Variants in GLT1D1 observed in about 807,000 individuals in gnomAD.
The protein encoded by GLT1D1 is glycosyltransferase 1 domain containing 1, also known as glycosyltransferase 1 domain-containing protein 1.
In GLT1D1, 21 loss-of-function variants were observed where a neutral mutation model predicts 28.7. The ratio of observed to expected loss-of-function variants is 0.73; its 90% CI spans 0.52 to 1.05. GLT1D1 has a LOEUF of 1.05. GLT1D1 is among the 50% of genes least tolerant of loss of function. The probability of loss-of-function intolerance (pLI) is 0.00; values close to 1 mark genes in which losing one functional copy is unlikely to be tolerated. For synonymous variants in GLT1D1, 147 were observed against 124.8 expected (o/e 1.18, Z -1.19); for missense variants, 343 against 330.6 (o/e 1.04, Z -0.29).
chr12:128,978,071 C>T (rs975830160), intron 7 of GLT1D1, among the ~76,000 whole-genome samples: 2 of 151,802 alleles, frequency 1.3e-5, no homozygotes, highest in Non-Finnish European at 2.9e-5. Context: ...AGGCATGAGT[C>T]CCCGCACCCG....
At chr12:128,947,533 A>G in intron 6 of GLT1D1, 75 bp downstream of exon 10, 1 of 1,539,966 alleles carries the variant, frequency 6.5e-7, no homozygotes. Flanking sequence ...TACGGAGGTG[A>G]CGTCTTTGTC....
chr12:128,899,115 G>A (rs930863998), intron 3 of GLT1D1, 121 bp from the exon 4 acceptor site: 1 of 723,924 alleles, frequency 1.4e-6, no homozygotes, highest in South Asian at 1.6e-5. Context: ...AATAAAGATT[G>A]ATTGCATTTT....
rs1318391422 is a variant in GLT1D1, at chr12:128,922,190, G to A, written c.375+22903G>A. Among the ~76,000 whole-genome samples the A allele has an allele frequency of 4.1e-5, 6 of 146,252 alleles. No homozygotes were observed. The South Asian group carries it at 1.1e-3, about 27-fold the overall frequency. ...TGTGTGTGTGTGTGTGTGTGTGTGT[G>A]TGTATACACACCAGCTATGTGTGCT... On this transcript the variant is annotated intron_variant, in intron 4 of 7. Coordinates refer to ENST00000281703, the MANE Select transcript of GLT1D1 (RefSeq NM_144669.3).
At chr12:128,911,269 C>A (rs1304459945) in intron 4 of GLT1D1, among the ~76,000 whole-genome samples, 1 of 152,228 alleles carries the variant, frequency 6.6e-6, no homozygotes, top group Non-Finnish European at 1.5e-5. Flanking sequence ...CTCTACCAAA[C>A]CTTCCCAGGC....
chr12:128,936,683 T>C (rs1395283439), intron 4 of GLT1D1, among the ~76,000 whole-genome samples: 2 of 152,230 alleles, frequency 1.3e-5, no homozygotes, highest in Admixed American at 1.3e-4. Context: ...GGTTTGAGCA[T>C]GACAGCTTAA....
At chr12:128,980,824 G>C (rs1327519599) in intron 7 of GLT1D1, among the ~76,000 whole-genome samples, 3 of 152,240 alleles carry the variant, frequency 2.0e-5, no homozygotes, top group African/African-American at 4.8e-5. Context: ...GATTCATCGG[G>C]GGCGGGGTGG....
At chr12:128,863,839 G>A (rs564614868) in intron 1 of GLT1D1, among the ~76,000 whole-genome samples, 29 of 151,870 alleles carry the variant, frequency 1.9e-4, no homozygotes, top group South Asian at 1.7e-3. Context: ...CCAGCTACTC[G>A]GGAGGCTGAG....
rs1868687435 is a variant in GLT1D1, at chr12:128,888,743, A to G, written c.322A>G (p.Arg108Gly). ...CATGGGCAGAGTTCTTGAGGAAGCC[A>G]GGTAATACCTGCGAGAATTTCATCC... Residue 108 changes from arginine to glycine, a missense_variant and splice_region_variant, in exon 3 of 8, where the codon AGA (arginine) becomes GGA (glycine). Arg to Gly is a moderately radical substitution (Grantham distance 125). Transcript: ENST00000281703. 2 of 1,582,108 alleles carry G rather than the reference A, an allele frequency of 1.3e-6. No homozygotes were observed. The highest frequency in any genetic ancestry group is 1.7e-6 in the Non-Finnish European group (2 of 1,152,480).
At chr12:128,867,419 G>GAA (rs1318656397) in intron 1 of GLT1D1, among the ~76,000 whole-genome samples, 2 of 111,834 alleles carry the variant, frequency 1.8e-5, no homozygotes, top group African/African-American at 3.3e-5. Flanking sequence ...AAAAAAAACA[G>GAA]AAAAAAAAAA....
At chr12:128,980,693 T>C (rs1880231483) in intron 7 of GLT1D1, among the ~76,000 whole-genome samples, 1 of 152,214 alleles carries the variant, frequency 6.6e-6, no homozygotes, top group South Asian at 2.1e-4. Context: ...TTGCTTTACC[T>C]GGTGGTCTCC....
intron 2 of GLT1D1, among the ~76,000 whole-genome samples, chr12:128,879,157 C>T (rs1956940832): frequency 6.6e-6 from 1 of 151,936 alleles, no homozygotes; most frequent in Non-Finnish European, 1.5e-5. Context: ...TTTTTTTCTT[C>T]AGCTTTTAAG....
At chr12:128,918,399 G>T (rs562343301) in intron 4 of GLT1D1, among the ~76,000 whole-genome samples, 1 of 152,254 alleles carries the variant, frequency 6.6e-6, no homozygotes, top group East Asian at 1.9e-4. Flanking sequence ...GTTGATAGAT[G>T]CAGCAAACCA....
chr12:128,984,117 A>G lies in GLT1D1; in HGVS notation c.*1027A>G, dbSNP rs1282500882. On this transcript the variant is annotated 3_prime_UTR_variant, in exon 8 of 8. Transcript: ENST00000281703. The stretch of plus-strand genomic sequence containing the variant: ...GTTGCATGCCTGTGGATTCCTTACG[A>G]CAATGGGGAACGCGGTGTTTCCCAC... The G allele has an allele frequency of 6.6e-6, 1 of 152,216 alleles. No individual in the cohort carries two copies. The highest frequency in any genetic ancestry group is 1.5e-5 in the Non-Finnish European group (1 of 68,082). 9.4% of individuals were successfully genotyped at this position (152,216 alleles called of 1,614,324 possible).
In GLT1D1 at chr12:128,925,224, G is replaced by T. The variant is rs561648859; in HGVS notation, c.376-20102G>T. Among the ~76,000 whole-genome samples, 5 of 152,184 alleles carry T rather than the reference G, an allele frequency of 3.3e-5. No homozygotes were observed. The East Asian group carries it at 9.6e-4, about 29-fold the overall frequency. ...TCTGGGTACATGTGCAGGATGTGCAGGTTTATTATGTAGGTTAACAATGTG... is the reference window on the plus strand; with the variant it reads ...TCTGGGTACATGTGCAGGATGTGCATGTTTATTATGTAGGTTAACAATGTG... On this transcript the variant is annotated intron_variant, in intron 4 of 7. Coordinates refer to ENST00000281703, the MANE Select transcript of GLT1D1 (RefSeq NM_144669.3).
chr12:128,863,989 A>C (rs1956448862), intron 1 of GLT1D1: 1 of 417,914 alleles, frequency 2.4e-6, no homozygotes, highest in Non-Finnish European at 4.2e-6. Flanking sequence ...TCTGAATACT[A>C]TCTGGAAGGA....
intron 4 of GLT1D1, among the ~76,000 whole-genome samples, chr12:128,910,969 G>A (rs1013554554): frequency 5.9e-5 from 9 of 152,006 alleles, no homozygotes; most frequent in Non-Finnish European, 1.2e-4. Flanking sequence ...TCACTCTGTC[G>A]CTTAGTCTGG....
At chr12:128,895,458 ATT>A (rs534937317) in intron 3 of GLT1D1, among the ~76,000 whole-genome samples, 29 of 137,398 alleles carry the variant, frequency 2.1e-4, no homozygotes, top group African/African-American at 1.9e-4. Flanking sequence ...TACAGAAGCT[ATT>A]TTTTTTTTTT....
intron 2 of GLT1D1, among the ~76,000 whole-genome samples, chr12:128,879,645 C>T (rs969996279): frequency 3.3e-5 from 5 of 151,904 alleles, no homozygotes; most frequent in African/African-American, 7.3e-5. Flanking sequence ...TTAGTAGAAA[C>T]GGGCTTTCAC....
intron 2 of GLT1D1, among the ~76,000 whole-genome samples, chr12:128,881,240 A>C (rs1035420661): frequency 1.2e-4 from 17 of 146,928 alleles, no homozygotes; most frequent in East Asian, 3.9e-4. Context: ...AAAAAAAAAA[A>C]AAAACTATAG....
Sources: gnomAD v4.1 joint callset for allele counts (sites outside exome capture counted in the v4.1 genomes callset) on GRCh38, gnomAD v4.1.1 for gene constraint, MANE v1.5 for transcripts, NCBI Gene and HGNC (gene_info 2026-07-23, HGNC 2026-07-21) for gene names.